HPF1: variants seen among roughly 807,000 people sequenced by gnomAD.
HPF1 encodes UPF0609 protein C4orf27.
In HPF1, 35 loss-of-function variants were observed where a neutral mutation model predicts 38.8. The ratio of observed to expected loss-of-function variants is 0.90; its 90% CI spans 0.69 to 1.19. HPF1 has a LOEUF of 1.19. Among genes scored for constraint, HPF1 ranks in the 50% most tolerant of loss-of-function variants. The pLI, the probability that HPF1 is intolerant of heterozygous loss-of-function variation, is 0.00. For synonymous variants in HPF1, 115 were observed against 139.2 expected (o/e 0.83, Z 1.22); for missense variants, 367 against 405.8 (o/e 0.90, Z 0.82).
chr4:169,749,789 C>A (rs1234631054), intron 3 of HPF1, among the ~76,000 whole-genome samples: 2 of 149,798 alleles, frequency 1.3e-5, no homozygotes, highest in Non-Finnish European at 3.0e-5. Flanking sequence ...ATCCTATTCA[C>A]GTATATAACC....
At chr4:169,743,127 G>A (rs1482920389) in intron 4 of HPF1, among the ~76,000 whole-genome samples, 1 of 150,460 alleles carries the variant, frequency 6.6e-6, no homozygotes, top group Non-Finnish European at 1.5e-5. Context: ...CTTTTTTTCC[G>A]AGATGTTGTT....
At chr4:169,745,741 A>G (rs937192449) in intron 4 of HPF1, among the ~76,000 whole-genome samples, 2 of 152,174 alleles carry the variant, frequency 1.3e-5, no homozygotes, top group Non-Finnish European at 2.9e-5. Flanking sequence ...GGGCTCGAGC[A>G]ATGCTCCCAC....
rs550604441 is a variant in HPF1 at position 169,735,183 on chromosome 4, C to G, written c.736+2477G>C. Among the ~76,000 whole-genome samples, 3 of 151,226 alleles carry G rather than the reference C, an allele frequency of 2.0e-5. No homozygotes were observed. The South Asian group carries it at 6.3e-4, about 32-fold the overall frequency. ...AAAAGAAAACCAGAGCCCTTACTGA[C>G]TAATGCTAAGCACCGTGAGTCTATT... On this transcript the variant is annotated intron_variant, in intron 6 of 7. Coordinates refer to ENST00000393381, the MANE Select transcript of HPF1 (RefSeq NM_017867.3).
chr4:169,750,717 A>G lies in HPF1; in HGVS notation c.217T>C (p.Ser73Pro), dbSNP rs1184644854. 1 of 1,599,360 alleles carries G rather than the reference A, an allele frequency of 6.3e-7. No homozygotes were observed. The highest frequency in any genetic ancestry group is 2.2e-5 in the East Asian group (1 of 44,650). ...LDPEKPSDSL[S>P]ASLGLQLVGP... ...ACTAATTGAAGTCCAAGGCTTGCAG[A>G]AAGTGAATCTATAAAGAAAATAAAT... is the stretch of plus-strand genomic sequence containing the variant. The change falls in exon 3 of 8, where the codon TCT becomes CCT. Residue 73 changes from serine to proline, a missense_variant. Coordinates refer to ENST00000393381, the MANE Select transcript of HPF1 (RefSeq NM_017867.3).
chr4:169,753,028 G>GTTTTTTT (rs71590035), intron 2 of HPF1, among the ~76,000 whole-genome samples: 79 of 103,894 alleles, frequency 7.6e-4, no homozygotes, highest in Non-Finnish European at 9.9e-4. Flanking sequence ...CCTTGGTTAG[G>GTTTTTTT]TTTTTTTTTT....
At chr4:169,747,444 C>T (rs1301077758) in intron 4 of HPF1, among the ~76,000 whole-genome samples, 2 of 152,106 alleles carry the variant, frequency 1.3e-5, no homozygotes, top group African/African-American at 4.8e-5. Flanking sequence ...TTTGAATTCA[C>T]TTTACTGCAA....
chr4:169,729,516 C>A lies in HPF1; in HGVS notation c.*62G>T. On this transcript the variant is annotated 3_prime_UTR_variant, in exon 8 of 8. Transcript: ENST00000393381. Reference sequence around the variant, plus strand: ...TTTTTTGTATTCCTTAAAAACAAAACAAAAATCACAAGTTTAATACTAGTC... The same window carrying A: ...TTTTTTGTATTCCTTAAAAACAAAAAAAAAATCACAAGTTTAATACTAGTC... 1 of 1,284,780 alleles carries A rather than the reference C, an allele frequency of 7.8e-7. No individual in the cohort carries two copies. Among genetic ancestry groups the A allele is most frequent in the Non-Finnish European group, 1.0e-6 (1 of 988,272 alleles). 79.6% of individuals were successfully genotyped at this position (1,284,780 alleles called of 1,614,324 possible).
intron 1 of HPF1, among the ~76,000 whole-genome samples, chr4:169,754,709 G>C (rs1262820919): frequency 1.3e-5 from 2 of 152,038 alleles, no homozygotes; most frequent in African/African-American, 4.8e-5. Flanking sequence ...TTCTCAACCG[G>C]TGGTGATTTT....
chr4:169,753,044 T>TTTTTC (rs1403234004), intron 2 of HPF1, among the ~76,000 whole-genome samples: 16 of 147,754 alleles, frequency 1.1e-4, no homozygotes, highest in African/African-American at 4.0e-4. Context: ...TTTTTTTTTT[T>TTTTTC]TTTTTCTGAG....
chr4:169,742,513 C>A (rs968019855), intron 4 of HPF1, among the ~76,000 whole-genome samples: 3 of 152,184 alleles, frequency 2.0e-5, no homozygotes, highest in African/African-American at 2.4e-5. Flanking sequence ...ATTTTTCAGG[C>A]AAGGCGCAGT....
chr4:169,750,312 G>A (rs141799950), intron 3 of HPF1, among the ~76,000 whole-genome samples: 275 of 152,096 alleles, frequency 1.8e-3, no homozygotes, highest in African/African-American at 6.3e-3. Context: ...AACCCAAAAG[G>A]GAAAAAAAGT....
In HPF1 at chr4:169,742,087, A is replaced by C. The variant is rs766910277; in HGVS notation, c.518T>G (p.Leu173Arg). 2 of 1,610,780 alleles carry C rather than the reference A, an allele frequency of 1.2e-6. No individual in the cohort carries two copies. Among genetic ancestry groups the C allele is most frequent in the South Asian group, 1.1e-5 (1 of 91,018 alleles). The change falls in exon 5 of 8, where the codon CTT becomes CGT. Residue 173 changes from leucine (L) to arginine (R), a missense_variant. Coordinates refer to ENST00000393381, the MANE Select transcript of HPF1 (RefSeq NM_017867.3). ...AAVKLFLTKK[L>R]REITDKKKIN... Reference sequence around the variant, plus strand: ...TTTCTTTTTATCCGTTATTTCTCTAAGTTTTTTCGTCAAAAATAATCTGAA... The same window carrying C: ...TTTCTTTTTATCCGTTATTTCTCTACGTTTTTTCGTCAAAAATAATCTGAA...
At chr4:169,741,713 A>T (rs1017277723) in intron 5 of HPF1, among the ~76,000 whole-genome samples, 2 of 152,258 alleles carry the variant, frequency 1.3e-5, no homozygotes, top group Non-Finnish European at 2.9e-5. Context: ...GGCATGAGTT[A>T]TTCAACCACA....
intron 4 of HPF1, among the ~76,000 whole-genome samples, chr4:169,747,919 GCATCCAT>G (rs1298251294): frequency 6.6e-6 from 1 of 152,136 alleles, no homozygotes; most frequent in Non-Finnish European, 1.5e-5. Context: ...AAAGAGTAGG[GCATCCAT>G]TTACCTGGCC....
rs1360742849 is a variant in HPF1 at position 169,733,573 on chromosome 4, T to C, written c.737-1697A>G. On this transcript the variant is annotated intron_variant, in intron 6 of 7. Coordinates refer to ENST00000393381, the MANE Select transcript of HPF1 (RefSeq NM_017867.3). Reference sequence around the variant, plus strand: ...ATGAGGCACAACGTTCTGATGAGACTAACGAAAAATATCAGGTATGATATT... The same window carrying C: ...ATGAGGCACAACGTTCTGATGAGACCAACGAAAAATATCAGGTATGATATT... Among the ~76,000 whole-genome samples the C allele has an allele frequency of 3.3e-5, 5 of 152,132 alleles. No homozygotes were observed. In the East Asian group the frequency reaches 9.6e-4, roughly 29 times the overall value.
intron 1 of HPF1, 45 bp from the exon 2 acceptor site, chr4:169,753,880 TCTC>T: frequency 6.8e-7 from 1 of 1,480,490 alleles, no homozygotes; most frequent in Non-Finnish European, 9.3e-7. Context: ...TTTCAGTAAC[TCTC>T]CTTGCATAAC....
At chr4:169,745,742 A>G (rs1734039960) in intron 4 of HPF1, among the ~76,000 whole-genome samples, 1 of 152,132 alleles carries the variant, frequency 6.6e-6, no homozygotes, top group African/African-American at 2.4e-5. Flanking sequence ...GGCTCGAGCA[A>G]TGCTCCCACC....
chr4:169,751,402 C>CAAAA (rs55661737), intron 2 of HPF1, among the ~76,000 whole-genome samples: 2 of 71,136 alleles, frequency 2.8e-5, no homozygotes, highest in African/African-American at 4.3e-5. Context: ...GGCTCTGTCT[C>CAAAA]AAAAAAAAAA....
intron 1 of HPF1, among the ~76,000 whole-genome samples, chr4:169,755,253 A>G (rs1734174374): frequency 6.6e-6 from 1 of 152,158 alleles, no homozygotes; most frequent in Admixed American, 6.5e-5. Context: ...TTTTCAAACA[A>G]TAGACTATTA....
Sources: allele counts gnomAD v4.1 joint callset (sites outside exome capture counted in the v4.1 genomes callset), GRCh38; gene constraint gnomAD v4.1.1; transcripts MANE v1.5; gene names NCBI Gene and HGNC (gene_info 2026-07-23, HGNC 2026-07-21).